Variants in CES2 observed in about 807,000 individuals in gnomAD.
CES2 encodes the protein cocaine esterase.
In CES2, 42 loss-of-function variants were observed where a neutral mutation model predicts 52.1. That is an observed-to-expected ratio of 0.81 (90% CI 0.63 to 1.04). The LOEUF is 1.04. Ranked by LOEUF, CES2 falls within the 50% of genes least tolerant of loss-of-function variation. The pLI is 0.00. For missense variants in CES2, 656 were observed against 724.3 expected, an observed-to-expected ratio of 0.91 and a Z score of 1.08; for synonymous variants, 277 against 289.6, an observed-to-expected ratio of 0.96 and a Z score of 0.44.
Position 66,943,361 on chromosome 16 carries a change from G to T in CES2, c.1483G>T (p.Ala495Ser), listed in dbSNP as rs575132823. 4 of 1,614,164 alleles carry T rather than the reference G, an allele frequency of 2.5e-6. No individual in the cohort carries two copies. The highest frequency in any genetic ancestry group is 2.2e-5 in the South Asian group (2 of 91,084). ...GATGATGAAGTACTGGGCCAACTTTGCGAGAAATGGGTGAGACAGCACACC... is the reference window on the plus strand; with the variant it reads ...GATGATGAAGTACTGGGCCAACTTTTCGAGAAATGGGTGAGACAGCACACC... Reference protein sequence around the residue: ...RKMMKYWANFARNGNPNGEGL... With the variant: ...RKMMKYWANFSRNGNPNGEGL... The change falls in exon 11 of 12, where the codon GCG (alanine) becomes TCG (serine). Residue 495 changes from alanine (A) to serine (S), a missense_variant. Ala to Ser is a moderately conservative substitution (Grantham distance 99, BLOSUM62 1). Transcript: ENST00000317091. This position sits in a 1 kb window ranked among gnomAD's most constrained non-coding sequence, Gnocchi z 4.2.
intron 1 of CES2, 50 bp downstream of exon 1, chr16:66,935,761 T>A (rs781129066): frequency 6.3e-7 from 1 of 1,598,216 alleles, no homozygotes; most frequent in South Asian, 1.1e-5. Flanking sequence ...ATCTGCCAAA[T>A]GCTGCGGAGG....
At chr16:66,935,444 A>T (rs769471058), upstream of CES2, 6 of 1,597,836 alleles carry the variant, frequency 3.8e-6, no homozygotes, top group East Asian at 1.3e-4. Context: ...CCACCCACCT[A>T]TGACTGCTCA....
Position 66,945,088 on chromosome 16 carries a change from C to G in CES2, c.*1063C>G, listed in dbSNP as rs913849737. ...AGGTCTGAAAGAATAAAAATAAATT[C>G]TAAAAAAAGCCTCTGTCTGCCTCTC... On this transcript the variant is annotated 3_prime_UTR_variant, in exon 12 of 12. Transcript: ENST00000317091. 1 of 152,230 alleles carries G rather than the reference C, an allele frequency of 6.6e-6. No homozygotes were observed. The highest frequency in any genetic ancestry group is 2.4e-5 in the African/African-American group (1 of 41,436). 9.4% of individuals were successfully genotyped at this position (152,230 alleles called of 1,614,324 possible).
chr16:66,937,566 C>T (rs1247755356), intron 1 of CES2, among the ~76,000 whole-genome samples: 3 of 152,168 alleles, frequency 2.0e-5, no homozygotes, highest in Non-Finnish European at 2.9e-5. Flanking sequence ...AGTCACTGTG[C>T]TTTTTATATC....
rs766943420 is a variant in CES2, at chr16:66,943,397, C to G, written c.1493+26C>G. 11 of 1,613,340 alleles carry G rather than the reference C, an allele frequency of 6.8e-6. No homozygotes were observed. The East Asian group carries it at 2.0e-4, about 29-fold the overall frequency. Reference sequence around the variant, plus strand: ...GTGAGACAGCACACCCCTGCCTCAACCTCCCCGATTGGGGGACTTGTGCCC... The same window carrying G: ...GTGAGACAGCACACCCCTGCCTCAAGCTCCCCGATTGGGGGACTTGTGCCC... On this transcript the variant is annotated intron_variant, in intron 11 of 11. Transcript: ENST00000317091. The surrounding 1 kb of genome is among the most constrained non-coding windows in gnomAD (Gnocchi z 4.2).
intron 6 of CES2, 80 bp downstream of exon 6, chr16:66,941,302 C>G: frequency 6.4e-7 from 1 of 1,567,658 alleles, no homozygotes; most frequent in Non-Finnish European, 8.6e-7. Context: ...CGTCATATTC[C>G]CTGGGCACAT....
At chr16:66,942,511 TC>T (rs1365216789) in intron 9 of CES2, 136 bp from the exon 10 acceptor site, 2 of 1,002,142 alleles carry the variant, frequency 2.0e-6, no homozygotes. Context: ...TTTCCTCTAT[TC>T]CTGCCCCAGC....
intron 8 of CES2, 89 bp from the exon 9 acceptor site, chr16:66,942,016 C>A (rs577084269): frequency 6.5e-7 from 1 of 1,535,452 alleles, no homozygotes; most frequent in Admixed American, 1.8e-5. Flanking sequence ...TTTGCTCCCC[C>A]TTCCTGTGCC....
intron 4 of CES2, 41 bp downstream of exon 4, chr16:66,940,396 G>C: frequency 1.2e-6 from 2 of 1,614,060 alleles, no homozygotes; most frequent in Middle Eastern, 1.6e-4. Context: ...GCTGAGCGGG[G>C]CCAGGACAGC....
At position 66,943,362 on chromosome 16, in the gene CES2, C is replaced by T. The variant is rs200538528; in HGVS notation, c.1484C>T (p.Ala495Val). ...RKMMKYWANFARNGNPNGEGL... is the reference protein window; with the variant it reads ...RKMMKYWANFVRNGNPNGEGL... ...ATGATGAAGTACTGGGCCAACTTTGCGAGAAATGGGTGAGACAGCACACCC... is the reference window on the plus strand; with the variant it reads ...ATGATGAAGTACTGGGCCAACTTTGTGAGAAATGGGTGAGACAGCACACCC... The change falls in exon 11 of 12, where the codon GCG (alanine) becomes GTG (valine). Residue 495 changes from alanine (A) to valine (V), a missense_variant. Transcript: ENST00000317091. This position sits in a 1 kb window ranked among gnomAD's most constrained non-coding sequence, Gnocchi z 4.2. 153 of 1,613,862 alleles carry T rather than the reference C, an allele frequency of 9.5e-5. 1 individual carries two copies. Among genetic ancestry groups the T allele is most frequent in the South Asian group, 8.8e-4 (80 of 91,066 alleles).
At chr16:66,940,120 T>TG in intron 3 of CES2, 102 bp from the exon 4 acceptor site, 1 of 1,485,646 alleles carries the variant, frequency 6.7e-7, no homozygotes, top group Non-Finnish European at 9.1e-7. Context: ...GGAGATCTAA[T>TG]GGGGAGGTAG....
rs201753854 is a variant in CES2, at chr16:66,941,842, G to A, written c.1131G>A (p.Thr377=). The change falls in exon 8 of 12, where the codon ACG becomes ACA. Residue 377 remains threonine, a synonymous_variant. Transcript: ENST00000317091. ...AGGCTGCTCTGCAGAAAATGTTAAC[G>A]CTGCTGGTAAGGCTCCTGGGGTCCC... is the stretch of plus-strand genomic sequence containing the variant. ...ASQAALQKML[T]LLMLPPTFGD... The A allele has an allele frequency of 2.5e-5, 40 of 1,613,992 alleles. No individual in the cohort carries two copies. In the Middle Eastern group the frequency reaches 4.9e-4, roughly 20 times the overall value.
Position 66,944,047 on chromosome 16 carries a change from G to A in CES2, c.*22G>A. The A allele has an allele frequency of 7.3e-7, 1 of 1,361,992 alleles. No homozygotes were observed. The highest frequency in any genetic ancestry group is 1.5e-5 in the South Asian group (1 of 67,532). 84.4% of individuals were successfully genotyped at this position (1,361,992 alleles called of 1,614,324 possible). A position where few individuals can be genotyped will look rare whatever the true frequency, so the allele number is the denominator to read the frequency against. The stretch of plus-strand genomic sequence containing the variant: ...GTAGCTCCCTGTGCCGGGGAGGAGG[G>A]GGTGGGTTCGCTGACAGGCGAGGGT... On this transcript the variant is annotated 3_prime_UTR_variant, in exon 12 of 12. Coordinates refer to ENST00000317091, the MANE Select transcript of CES2 (RefSeq NM_001365405.1).
intron 7 of CES2, 43 bp downstream of exon 7, chr16:66,941,689 T>C: frequency 6.2e-7 from 1 of 1,613,220 alleles, no homozygotes; most frequent in Non-Finnish European, 8.5e-7. Context: ...GGAGCCCATC[T>C]GGTAGTGGGG....
chr16:66,939,868 A>AT (rs1963312885), intron 3 of CES2, among the ~76,000 whole-genome samples: 1 of 152,214 alleles, frequency 6.6e-6, no homozygotes, highest in South Asian at 2.1e-4. Flanking sequence ...TGCCTGGCTC[A>AT]TTTTTAAAAC....
chr16:66,943,766 AG>A lies in CES2; in HGVS notation c.1494-70del. ...TTGGCTGCCTTGCCTGACCAGACTC[AG>A]GGTGCTCAGGTCTGGGCTTCGGGGG... is the stretch of plus-strand genomic sequence containing the variant. On this transcript the variant is annotated intron_variant, in intron 11 of 11. Transcript: ENST00000317091. The surrounding 1 kb of genome is among the most constrained non-coding windows in gnomAD (Gnocchi z 4.2). 1.5e-6 allele frequency: 2 copies of A among 1,291,674 alleles called. No homozygotes were observed. Among genetic ancestry groups the A allele is most frequent in the South Asian group, 3.0e-5 (2 of 65,618 alleles). 80.0% of individuals were successfully genotyped at this position (1,291,674 alleles called of 1,614,324 possible).
chr16:66,943,694 T>A lies in CES2; in HGVS notation c.1494-145T>A, dbSNP rs1316481779. On this transcript the variant is annotated intron_variant, in intron 11 of 11. Transcript: ENST00000317091. This position sits in a 1 kb window ranked among gnomAD's most constrained non-coding sequence, Gnocchi z 4.2. ...CACTAGCCAGAGGGAGCTTATTTCC[T>A]GTTTCTGGAAGCCTCCCCACTCATT... The A allele has an allele frequency of 9.3e-6, 6 of 645,610 alleles. No individual in the cohort carries two copies. Among genetic ancestry groups the A allele is most frequent in the South Asian group, 2.3e-5 (1 of 44,378 alleles). 40.0% of individuals were successfully genotyped at this position (645,610 alleles called of 1,614,324 possible). A position where few individuals can be genotyped will look rare whatever the true frequency, so the allele number is the denominator to read the frequency against.
Position 66,944,270 on chromosome 16 carries a change from A to G in CES2, c.*245A>G. ...GATGGCTTGAGGCCAGAGGTTTGAG[A>G]CCGACCAGCCAGGGCAACACAGTGA... On this transcript the variant is annotated 3_prime_UTR_variant, in exon 12 of 12. Transcript: ENST00000317091. The G allele has an allele frequency of 3.4e-6, 1 of 296,552 alleles. No individual in the cohort carries two copies. Among genetic ancestry groups the G allele is most frequent in the Non-Finnish European group, 6.2e-6 (1 of 162,034 alleles). 18.4% of individuals were successfully genotyped at this position (296,552 alleles called of 1,614,324 possible).
At chr16:66,941,986 G>A in intron 8 of CES2, 119 bp from the exon 9 acceptor site, 1 of 1,509,856 alleles carries the variant, frequency 6.6e-7, no homozygotes, top group Non-Finnish European at 9.0e-7. Context: ...TTAGGGGTGG[G>A]GTCACCTCAG....
Sources: gnomAD v4.1 joint callset for allele counts (sites outside exome capture counted in the v4.1 genomes callset) on GRCh38, gnomAD v4.1.1 for gene constraint, Gnocchi (gnomAD v3.1) non-coding constraint, MANE v1.5 for transcripts, NCBI Gene and HGNC (gene_info 2026-07-23, HGNC 2026-07-21) for gene names.